Variants in ABR observed in about 807,000 individuals in gnomAD.
The protein encoded by ABR is ABR activator of RhoGEF and GTPase.
Under a neutral mutation model 107.2 loss-of-function variants are expected in ABR, and 35 were observed. That is an observed-to-expected ratio of 0.33 (90% CI 0.25 to 0.43). ABR has a LOEUF of 0.43. Among genes scored for constraint, ABR ranks in the 20% least tolerant of loss-of-function variants. ABR has a pLI of 1.00. For synonymous variants in ABR, 498 were observed against 462.0 expected (o/e 1.08, Z -1.00); for missense variants, 815 against 1,115.2 (o/e 0.73, Z 3.83).
At chr17:1,028,169 C>T (rs541211985) in intron 16 of ABR, among the ~76,000 whole-genome samples, 1 of 152,266 alleles carries the variant, frequency 6.6e-6, no homozygotes, top group South Asian at 2.1e-4. Context: ...CGGCTCACTG[C>T]AACCTCCACC....
rs763225920 is a variant in ABR, at chr17:1,079,366, C to T, written c.664G>A (p.Asp222Asn). The change falls in exon 6 of 23, where the codon GAC becomes AAC. Residue 222 changes from aspartate to asparagine, a missense_variant. Around this residue, in one of 5 missense-constraint regions of ABR, gnomAD observed 385 missense variants for 596.9 expected, o/e 0.64. Coordinates refer to ENST00000302538, the MANE Select transcript of ABR (RefSeq NM_021962.5). ...SEELKVKGPK[D>N]SKDSHTSVTM... ...ACAGACGTGTGGCTGTCCTTGGAGT[C>T]CTTGGGACCTTTCACTTTGAGTTCC... 1.2e-6 allele frequency: 2 copies of T among 1,613,518 alleles called. No individual in the cohort carries two copies. The highest frequency in any genetic ancestry group is 1.7e-6 in the Non-Finnish European group (2 of 1,179,792).
rs2069982728 is a variant in ABR, at chr17:1,005,834, G to T, written c.*246C>A. 1.9e-5 allele frequency: 11 copies of T among 571,554 alleles called. No individual in the cohort carries two copies. The South Asian group carries it at 2.2e-4, about 12-fold the overall frequency. The allele number at this position is 571,554 out of a possible 1,614,324, so 35.4% of individuals were successfully genotyped here. ...CATAAAACAATTCCCGAACAGCACG[G>T]AGCATCAGACACAACTAGAGGTATG... On this transcript the variant is annotated 3_prime_UTR_variant, in exon 23 of 23. Coordinates refer to ENST00000302538, the MANE Select transcript of ABR (RefSeq NM_021962.5).
chr17:1,103,588 G>A (rs1433052628), intron 2 of ABR, among the ~76,000 whole-genome samples: 1 of 152,156 alleles, frequency 6.6e-6, no homozygotes, highest in African/African-American at 2.4e-5. Flanking sequence ...ATAGACCCTG[G>A]AAGCCCTGTA....
At chr17:1,204,620 TACAACGGCCTATA>T (rs2042751950) in intron 1 of ABR, among the ~76,000 whole-genome samples, 1 of 152,226 alleles carries the variant, frequency 6.6e-6, no homozygotes, top group Non-Finnish European at 1.5e-5. Flanking sequence ...TCCATTGTGT[TACAACGGCCTATA>T]GTATTCAGTA....
Position 1,148,190 on chromosome 17 carries a change from C to T in ABR, c.62-22823G>A, listed in dbSNP as rs770499979. Among the ~76,000 whole-genome samples, 3 of 152,214 alleles carry T rather than the reference C, an allele frequency of 2.0e-5. No homozygotes were observed. The highest frequency in any genetic ancestry group is 4.4e-5 in the Non-Finnish European group (3 of 68,050). On this transcript the variant is annotated intron_variant, in intron 1 of 22. Coordinates refer to ENST00000302538, the MANE Select transcript of ABR (RefSeq NM_021962.5). The surrounding 1 kb of genome is among the most constrained non-coding windows in gnomAD (Gnocchi z 4.9). Reference sequence around the variant, plus strand: ...TGACACTTGCCAAAAAACAGAAACACCTCAAGTGTCTATGGGTGGATGAAT... The same window carrying T: ...TGACACTTGCCAAAAAACAGAAACATCTCAAGTGTCTATGGGTGGATGAAT...
In ABR at chr17:1,155,111, C is replaced by A. The variant is rs146773560; in HGVS notation, c.61+24556G>T. 1.6e-3 allele frequency among the ~76,000 whole-genome samples: 236 copies of A among 152,236 alleles called. 1 individual carries two copies. Among genetic ancestry groups the A allele is most frequent in the African/African-American group, 5.3e-3 (222 of 41,554 alleles). On this transcript the variant is annotated intron_variant, in intron 1 of 22. Coordinates refer to ENST00000302538, the MANE Select transcript of ABR (RefSeq NM_021962.5). ...GCCACTTGAGAGATGGTGTTCAGCT[C>A]TGGGATGTCCCAGCAATGTGTACTA...
At chr17:1,061,823 C>G (rs557786725) in intron 10 of ABR, among the ~76,000 whole-genome samples, 1 of 152,126 alleles carries the variant, frequency 6.6e-6, no homozygotes, top group Admixed American at 6.6e-5. Context: ...CTGGGATTAC[C>G]GGTGTAAACC....
In ABR at chr17:1,011,787, A is replaced by C; in HGVS notation, c.2101+59T>G. On this transcript the variant is annotated intron_variant, in intron 19 of 22. Transcript: ENST00000302538. This position sits in a 1 kb window ranked among gnomAD's most constrained non-coding sequence, Gnocchi z 4.8. The stretch of plus-strand genomic sequence containing the variant: ...CTGGTTCCCCCGAGCTCTCCTGTCC[A>C]TCCCACCAGCCTGCTCAGACACAGC... 1 of 1,513,680 alleles carries C rather than the reference A, an allele frequency of 6.6e-7. No individual in the cohort carries two copies. The highest frequency in any genetic ancestry group is 8.9e-7 in the Non-Finnish European group (1 of 1,127,228). 93.8% of individuals were successfully genotyped at this position (1,513,680 alleles called of 1,614,324 possible). A position where few individuals can be genotyped will look rare whatever the true frequency, so the allele number is the denominator to read the frequency against.
At chr17:1,107,297 G>C (rs1022567891) in intron 2 of ABR, among the ~76,000 whole-genome samples, 1 of 152,242 alleles carries the variant, frequency 6.6e-6, no homozygotes, top group Non-Finnish European at 1.5e-5. Flanking sequence ...GCGAGGCTGG[G>C]AACCTGGTGC....
chr17:1,057,058 T>C lies in ABR; in HGVS notation c.1426A>G (p.Thr476Ala). The C allele has an allele frequency of 6.2e-7, 1 of 1,612,798 alleles. No homozygotes were observed. The highest frequency in any genetic ancestry group is 8.5e-7 in the Non-Finnish European group (1 of 1,179,128). The change falls in exon 13 of 23, where the codon ACA (threonine) becomes GCA (alanine). Residue 476 changes from threonine to alanine, a missense_variant. Thr to Ala is a moderately conservative substitution (Grantham distance 58). Transcript: ENST00000302538. ...VLSSVELQVLTGSCFKLRTVH... is the reference protein window; with the variant it reads ...VLSSVELQVLAGSCFKLRTVH... ...GTCCTAAGCTTGAAACAGGATCCTG[T>C]GAGCACCTGGAGCTCCACTGAGCTC...
intron 16 of ABR, among the ~76,000 whole-genome samples, chr17:1,044,958 T>C (rs2031331264): frequency 6.6e-6 from 1 of 152,200 alleles, no homozygotes; most frequent in South Asian, 2.1e-4. Flanking sequence ...TTTAACAAAG[T>C]ATCCAAAAAG....
At chr17:1,207,439 C>T (rs2042809977) in intron 1 of ABR, among the ~76,000 whole-genome samples, 1 of 151,918 alleles carries the variant, frequency 6.6e-6, no homozygotes, top group African/African-American at 2.4e-5. Flanking sequence ...CACCTGAGCT[C>T]AGGAGTTCGA....
At chr17:1,214,715 C>T (rs570654473) in intron 1 of ABR, among the ~76,000 whole-genome samples, 3 of 152,092 alleles carry the variant, frequency 2.0e-5, no homozygotes, top group South Asian at 2.1e-4. Flanking sequence ...GCAGGAGAAT[C>T]GCTTGAACCT....
At chr17:1,170,929 A>AG (rs2041687425) in intron 1 of ABR, among the ~76,000 whole-genome samples, 1 of 152,112 alleles carries the variant, frequency 6.6e-6, no homozygotes, top group Non-Finnish European at 1.5e-5. Context: ...GAACAACTGC[A>AG]GGGGGCACTC....
intron 2 of ABR, among the ~76,000 whole-genome samples, chr17:1,109,256 G>GTCGAGGACGCCGCCGC (rs1298651876): frequency 2.0e-5 from 3 of 151,644 alleles, no homozygotes; most frequent in Non-Finnish European, 4.4e-5. Flanking sequence ...CCGCCGCCTC[G>GTCGAGGACGCCGCCGC]CGCGTCCTCG....
chr17:1,058,589 G>C (rs924160872), intron 11 of ABR, among the ~76,000 whole-genome samples, 156 bp downstream of exon 11: 1 of 152,206 alleles, frequency 6.6e-6, no homozygotes, highest in Non-Finnish European at 1.5e-5. Flanking sequence ...TTCCACACGA[G>C]AGGGGAGAGC....
intron 2 of ABR, among the ~76,000 whole-genome samples, chr17:1,109,721 C>T (rs1175081978): frequency 6.6e-6 from 1 of 152,086 alleles, no homozygotes; most frequent in African/African-American, 2.4e-5. Context: ...AGCCGCGTCC[C>T]GCCGCCGCTG....
intron 1 of ABR, among the ~76,000 whole-genome samples, chr17:1,146,768 A>G (rs2040557842): frequency 3.0e-5 from 3 of 98,614 alleles, no homozygotes; most frequent in Non-Finnish European, 6.3e-5. Flanking sequence ...ACATGACACC[A>G]CTGCCACCAG....
At chr17:1,127,794 A>G (rs911919309) in intron 1 of ABR, among the ~76,000 whole-genome samples, 4 of 152,192 alleles carry the variant, frequency 2.6e-5, no homozygotes, top group Non-Finnish European at 5.9e-5. Context: ...ACGGGGGGGA[A>G]GGGACGGTAG....
Sources: gnomAD v4.1 joint callset for allele counts (sites outside exome capture counted in the v4.1 genomes callset) on GRCh38, gnomAD v4.1.1 for gene constraint, gnomAD v4.1.1 regional missense constraint, Gnocchi (gnomAD v3.1) non-coding constraint, MANE v1.5 for transcripts, NCBI Gene and HGNC (gene_info 2026-07-23, HGNC 2026-07-21) for gene names.